The following DLC1 variants were observed in gnomAD, a reference collection of about 807,000 sequenced individuals.
DLC1 encodes DLC1 Rho GTPase activating protein, also known as rho GTPase-activating protein 7.
DLC1 carries 54 observed loss-of-function variants against 140.3 expected under a neutral mutation model. The observed-to-expected ratio is 0.38, with a 90% CI of 0.31 to 0.48. The LOEUF (loss-of-function observed/expected upper bound fraction) is 0.48. Ranked by LOEUF, DLC1 falls within the 20% of genes least tolerant of loss-of-function variation. The probability of loss-of-function intolerance (pLI) is 0.96; values close to 1 mark genes in which losing one functional copy is unlikely to be tolerated. For synonymous variants in DLC1, 986 were observed against 728.1 expected, an observed-to-expected ratio of 1.35 and a Z score of -5.70; for missense variants, 2,536 against 1,907.0, an observed-to-expected ratio of 1.33 and a Z score of -6.14.
intron 5 of DLC1, among the ~76,000 whole-genome samples, chr8:13,153,902 C>T (rs1220016468): frequency 6.6e-6 from 1 of 152,168 alleles, no homozygotes; most frequent in African/African-American, 2.4e-5. Flanking sequence ...TAAAGGTTCT[C>T]CAAGTCCCCA....
intron 4 of DLC1, among the ~76,000 whole-genome samples, chr8:13,371,957 G>A (rs1447111295): frequency 6.6e-6 from 1 of 152,158 alleles, no homozygotes; most frequent in Non-Finnish European, 1.5e-5. Flanking sequence ...CATAAAAGGA[G>A]AAAATAAAAA....
intron 4 of DLC1, among the ~76,000 whole-genome samples, chr8:13,383,428 C>T (rs1037324233): frequency 6.6e-6 from 1 of 152,198 alleles, no homozygotes; most frequent in Non-Finnish European, 1.5e-5. Context: ...CTGAGACCTG[C>T]AGCGTCTCAT....
chr8:13,521,400 CTTAAAA>C (rs960055240), intron 1 of DLC1, among the ~76,000 whole-genome samples: 15 of 147,232 alleles, frequency 1.0e-4, no homozygotes, highest in Middle Eastern at 6.9e-3. Context: ...TATCCCAGAA[CTTAAAA>C]TTAAAAAAAA....
chr8:13,116,121 G>A (rs572515319), intron 5 of DLC1: 5 of 974,574 alleles, frequency 5.1e-6, no homozygotes, highest in African/African-American at 3.5e-5. Context: ...ACACCCAGGG[G>A]TTGGGTGTTT....
intron 5 of DLC1, among the ~76,000 whole-genome samples, chr8:13,263,535 T>A (rs958588590): frequency 1.3e-5 from 2 of 151,614 alleles, no homozygotes; most frequent in Non-Finnish European, 2.9e-5. Flanking sequence ...CAGTTAGTAA[T>A]TCAAAAACTA....
intron 4 of DLC1, among the ~76,000 whole-genome samples, chr8:13,369,178 G>T (rs1286317233): frequency 6.6e-6 from 1 of 152,048 alleles, no homozygotes; most frequent in African/African-American, 2.4e-5. Flanking sequence ...TCAATAGTCT[G>T]TAAGTGCCTA....
Position 13,099,801 on chromosome 8 carries a change from G to A in DLC1, c.2536C>T (p.Pro846Ser). 4 of 1,614,150 alleles carry A rather than the reference G, an allele frequency of 2.5e-6. No individual in the cohort carries two copies. Among genetic ancestry groups the A allele is most frequent in the East Asian group, 2.2e-5 (1 of 44,868 alleles). ...VNWRTGSFHG[P>S]GHISLRRENS... is the part of the protein sequence containing the mutation. ...TCCCTCCTGAGGCTGATGTGGCCAG[G>A]GCCGTGGAAGCTTCCCGTCCTCCAG... is the stretch of plus-strand genomic sequence containing the variant. Residue 846 changes from proline to serine, a missense_variant, in exon 9 of 18, where the codon CCT becomes TCT. By Grantham distance (74) the Pro-to-Ser change is moderately conservative. Transcript: ENST00000276297.
intron 2 of DLC1, among the ~76,000 whole-genome samples, chr8:13,465,314 T>C (rs1383737084): frequency 6.6e-6 from 1 of 152,204 alleles, no homozygotes; most frequent in African/African-American, 2.4e-5. Flanking sequence ...ATTTAAGAGA[T>C]AATGCCAAAT....
intron 5 of DLC1, among the ~76,000 whole-genome samples, chr8:13,146,885 G>A (rs1823475653): frequency 6.6e-6 from 1 of 152,178 alleles, no homozygotes; most frequent in African/African-American, 2.4e-5. Flanking sequence ...TCTAAATAAT[G>A]CTTTGACATC....
At chr8:13,151,752 A>T (rs58049946) in intron 5 of DLC1, among the ~76,000 whole-genome samples, 1 of 151,982 alleles carries the variant, frequency 6.6e-6, no homozygotes, top group Non-Finnish European at 1.5e-5. Context: ...AATGAAAATG[A>T]TGTGAAGAAA....
Position 13,591,530 on chromosome 8 carries a change from G to A in DLC1, c.-126+13007C>T, listed in dbSNP as rs566703158. On this transcript the variant is annotated intron_variant, in intron 1 of 1. Transcript: ENST00000631382. The stretch of plus-strand genomic sequence containing the variant: ...GAGGCCTCCCTAGCCATGCAGAACC[G>A]TGAGTCAATTAAACCTCTTTTCTTC... Among the ~76,000 whole-genome samples the A allele has an allele frequency of 3.8e-4, 58 of 152,170 alleles. No homozygotes were observed. The South Asian group carries it at 0.011, about 29-fold the overall frequency.
chr8:13,353,716 G>T (rs1033999851), intron 4 of DLC1, among the ~76,000 whole-genome samples: 2 of 152,086 alleles, frequency 1.3e-5, no homozygotes, highest in African/African-American at 4.8e-5. Flanking sequence ...AGTTAGCCAG[G>T]CCTGTTGGCA....
intron 5 of DLC1, among the ~76,000 whole-genome samples, chr8:13,173,368 C>CTTTTTTTTTT (rs35778236): frequency 9.7e-6 from 1 of 103,508 alleles, no homozygotes; most frequent in East Asian, 3.1e-4. Context: ...GTTCTGCCCT[C>CTTTTTTTTTT]TTTTTTTTTT....
At chr8:13,274,065 G>T (rs1831062959) in intron 5 of DLC1, among the ~76,000 whole-genome samples, 1 of 152,160 alleles carries the variant, frequency 6.6e-6, no homozygotes, top group Non-Finnish European at 1.5e-5. Context: ...GCACACGAAG[G>T]CAAGGTGGTA....
At chr8:13,539,362 G>A (rs1289946845) in intron 1 of DLC1, among the ~76,000 whole-genome samples, 8 of 151,978 alleles carry the variant, frequency 5.3e-5, no homozygotes, top group Non-Finnish European at 1.0e-4. Context: ...ACCACACCCA[G>A]CTAATTTTTT....
chr8:13,250,609 G>A (rs536880828), intron 5 of DLC1, among the ~76,000 whole-genome samples: 3 of 152,124 alleles, frequency 2.0e-5, no homozygotes, highest in Non-Finnish European at 2.9e-5. Context: ...ACTGAATAAC[G>A]ATAAGGCTTT....
intron 5 of DLC1, among the ~76,000 whole-genome samples, chr8:13,300,337 A>T (rs956888023): frequency 2.0e-5 from 3 of 152,216 alleles, no homozygotes; most frequent in African/African-American, 4.8e-5. Context: ...GCTAGGCTTA[A>T]TACTTAGGTG....
At chr8:13,525,402 T>C (rs1280332050) in intron 1 of DLC1, among the ~76,000 whole-genome samples, 2 of 152,200 alleles carry the variant, frequency 1.3e-5, no homozygotes, top group African/African-American at 2.4e-5. Flanking sequence ...TTTTTACCTT[T>C]AACTCTCTAA....
intron 2 of DLC1, among the ~76,000 whole-genome samples, chr8:13,410,409 G>A (rs1837733965): frequency 6.6e-6 from 1 of 151,962 alleles, no homozygotes; most frequent in Non-Finnish European, 1.5e-5. Flanking sequence ...ACAAAACAGA[G>A]ATGATTATAT....
Sources: gnomAD v4.1 joint callset for allele counts (sites outside exome capture counted in the v4.1 genomes callset) on GRCh38, gnomAD v4.1.1 for gene constraint, MANE v1.5 for transcripts, NCBI Gene and HGNC (gene_info 2026-07-23, HGNC 2026-07-21) for gene names.